Variants in NRG1 observed in about 807,000 individuals in gnomAD.
NRG1 encodes the protein neuregulin 1.
NRG1 carries 18 observed loss-of-function variants against 63.8 expected under a neutral mutation model. The ratio of observed to expected loss-of-function variants is 0.28; its 90% CI spans 0.19 to 0.42. The LOEUF (loss-of-function observed/expected upper bound fraction) is 0.42, where lower values mean the gene tolerates loss of function less well. Ranked by LOEUF, NRG1 falls within the 10% of genes least tolerant of loss-of-function variation. The probability of loss-of-function intolerance (pLI) is 1.00; values close to 1 mark genes in which losing one functional copy is unlikely to be tolerated. For synonymous variants in NRG1, 302 were observed against 301.3 expected, an observed-to-expected ratio of 1.00 and a Z score of -0.02; for missense variants, 762 against 814.7, an observed-to-expected ratio of 0.94 and a Z score of 0.79.
intron 1 of NRG1, among the ~76,000 whole-genome samples, chr8:31,885,066 C>A (rs888210526): frequency 6.6e-6 from 1 of 152,054 alleles, no homozygotes; most frequent in Non-Finnish European, 1.5e-5. Flanking sequence ...AATTGTGTTT[C>A]TTTCTAGAAT....
intron 1 of NRG1, among the ~76,000 whole-genome samples, chr8:32,496,505 G>T (rs976217865): frequency 1.3e-5 from 2 of 152,146 alleles, no homozygotes; most frequent in Admixed American, 6.5e-5. Context: ...AGGGAGGATT[G>T]CTTAAGCCCA....
chr8:32,295,134 A>G (rs1854681471), intron 1 of NRG1, among the ~76,000 whole-genome samples: 1 of 152,194 alleles, frequency 6.6e-6, no homozygotes, highest in African/African-American at 2.4e-5. Context: ...ATTTAGGGAT[A>G]GTATAGTTCC....
chr8:31,951,889 G>A (rs867156259), intron 1 of NRG1, among the ~76,000 whole-genome samples: 5 of 152,200 alleles, frequency 3.3e-5, no homozygotes, highest in South Asian at 4.1e-4. Context: ...CTTGGTTTAC[G>A]TCAAGCAAGG....
At chr8:32,218,162 T>G (rs2132454604) in intron 1 of NRG1, among the ~76,000 whole-genome samples, 1 of 152,330 alleles carries the variant, frequency 6.6e-6, no homozygotes, top group South Asian at 2.1e-4. Context: ...ATATTTTAAG[T>G]TTGGCCTAAC....
intron 1 of NRG1, among the ~76,000 whole-genome samples, chr8:32,056,578 C>G (rs908192886): frequency 2.6e-5 from 4 of 152,152 alleles, no homozygotes; most frequent in African/African-American, 9.7e-5. Flanking sequence ...GGGCTATGTT[C>G]ATATGTGCCA....
At chr8:32,763,543 T>G (rs1051747160) in intron 11 of NRG1, among the ~76,000 whole-genome samples, 5 of 152,174 alleles carry the variant, frequency 3.3e-5, no homozygotes, top group African/African-American at 1.2e-4. Flanking sequence ...GATCTTTGCA[T>G]GCACTCCTGT....
intron 1 of NRG1, among the ~76,000 whole-genome samples, chr8:32,229,928 C>A (rs1187793111): frequency 6.6e-6 from 1 of 151,924 alleles, no homozygotes; most frequent in African/African-American, 2.4e-5. Context: ...CTGTCCTGCC[C>A]CAGAACAATC....
At chr8:32,173,833 T>A (rs1840368359) in intron 1 of NRG1, among the ~76,000 whole-genome samples, 1 of 152,110 alleles carries the variant, frequency 6.6e-6, no homozygotes, top group Non-Finnish European at 1.5e-5. Flanking sequence ...GCACCCAGAT[T>A]CATAAAGCAA....
chr8:32,523,472 G>T (rs1830526521), intron 1 of NRG1, among the ~76,000 whole-genome samples: 1 of 152,164 alleles, frequency 6.6e-6, no homozygotes, highest in Non-Finnish European at 1.5e-5. Flanking sequence ...TATTTAAAAA[G>T]TCTTAACTTC....
At chr8:31,959,504 G>T (rs1158259702) in intron 1 of NRG1, among the ~76,000 whole-genome samples, 1 of 152,116 alleles carries the variant, frequency 6.6e-6, no homozygotes, top group Non-Finnish European at 1.5e-5. Flanking sequence ...GCTGAATGGG[G>T]AGAGGTTTAG....
At chr8:32,686,382 A>C (rs898635445) in intron 5 of NRG1, among the ~76,000 whole-genome samples, 7 of 152,194 alleles carry the variant, frequency 4.6e-5, no homozygotes, top group Non-Finnish European at 1.0e-4. Flanking sequence ...TGATACATTA[A>C]AGAAAGAGTG....
intron 1 of NRG1, among the ~76,000 whole-genome samples, chr8:31,796,343 TA>T (rs1311389018): frequency 6.9e-6 from 1 of 144,200 alleles, no homozygotes; most frequent in Admixed American, 7.0e-5. Context: ...AACCCCATCT[TA>T]AAAAACAAAG....
chr8:32,419,207 A>G (rs184259575), intron 1 of NRG1, among the ~76,000 whole-genome samples: 81 of 152,344 alleles, frequency 5.3e-4, no homozygotes, highest in African/African-American at 1.7e-3. Flanking sequence ...CAGAAGGTGA[A>G]GGAGATAAGA....
At chr8:31,693,996 C>T (rs1809797812) in intron 1 of NRG1, among the ~76,000 whole-genome samples, 1 of 152,038 alleles carries the variant, frequency 6.6e-6, no homozygotes, top group Non-Finnish European at 1.5e-5. Context: ...TGCCACCATG[C>T]CTTGCTAATT....
intron 1 of NRG1, among the ~76,000 whole-genome samples, chr8:32,007,690 G>A (rs1213575058): frequency 6.6e-6 from 1 of 151,998 alleles, no homozygotes; most frequent in African/African-American, 2.4e-5. Flanking sequence ...ATGTCAATAT[G>A]TCAATTCTAT....
chr8:31,780,159 A>G (rs1407164325), intron 1 of NRG1, among the ~76,000 whole-genome samples: 2 of 152,230 alleles, frequency 1.3e-5, no homozygotes, highest in Admixed American at 6.5e-5. Flanking sequence ...AATGATTTCC[A>G]TGTTATGGAT....
chr8:32,585,526 A>G (rs1189307070), intron 1 of NRG1, among the ~76,000 whole-genome samples: 3 of 152,216 alleles, frequency 2.0e-5, no homozygotes, highest in Non-Finnish European at 4.4e-5. Flanking sequence ...ACATTAATCC[A>G]TTAAGCCACT....
At chr8:31,842,604 C>T (rs1413255961) in intron 1 of NRG1, among the ~76,000 whole-genome samples, 1 of 152,148 alleles carries the variant, frequency 6.6e-6, no homozygotes, top group African/African-American at 2.4e-5. Context: ...CCTTCCTGCA[C>T]TTTTATCACA....
intron 1 of NRG1, among the ~76,000 whole-genome samples, chr8:32,408,388 A>G (rs1465333758): frequency 6.6e-6 from 1 of 152,136 alleles, no homozygotes; most frequent in East Asian, 1.9e-4. Flanking sequence ...AACAGTTTGA[A>G]CTGTGAGACT....
Sources: allele counts gnomAD v4.1 joint callset (sites outside exome capture counted in the v4.1 genomes callset), GRCh38; gene constraint gnomAD v4.1.1; transcripts MANE v1.5; gene names NCBI Gene and HGNC (gene_info 2026-07-23, HGNC 2026-07-21).